TRAPPC9: variants seen among roughly 807,000 people sequenced by gnomAD.
TRAPPC9 encodes the protein trafficking protein particle complex subunit 9.
Under a neutral mutation model 124.0 loss-of-function variants are expected in TRAPPC9, and 83 were observed. The observed-to-expected ratio is 0.67, with a 90% CI of 0.56 to 0.80. The LOEUF is 0.80. TRAPPC9 is among the 30% of genes least tolerant of loss of function. TRAPPC9 has a pLI of 0.00. For missense variants in TRAPPC9, 1,302 were observed against 1,508.3 expected, an observed-to-expected ratio of 0.86 and a Z score of 2.27; for synonymous variants, 638 against 617.5, an observed-to-expected ratio of 1.03 and a Z score of -0.49.
chr8:140,289,192 T>TA (rs2065580741), intron 12 of TRAPPC9, among the ~76,000 whole-genome samples: 1 of 150,684 alleles, frequency 6.6e-6, no homozygotes, highest in South Asian at 2.2e-4. Flanking sequence ...TGTGTGTGTG[T>TA]GTGTGTGTGT....
At chr8:140,435,497 C>T (rs1480152735) in intron 3 of TRAPPC9, among the ~76,000 whole-genome samples, 1 of 152,208 alleles carries the variant, frequency 6.6e-6, no homozygotes, top group African/African-American at 2.4e-5. Context: ...ACACTCTCAC[C>T]ACACTCAAGG....
At chr8:140,125,356 C>G (rs1050684002) in intron 17 of TRAPPC9, among the ~76,000 whole-genome samples, 1 of 152,160 alleles carries the variant, frequency 6.6e-6, no homozygotes, top group South Asian at 2.1e-4. Flanking sequence ...CAGGAAGCAT[C>G]GACGAGAACC....
At chr8:140,442,058 T>G (rs2071035976) in intron 2 of TRAPPC9, among the ~76,000 whole-genome samples, 1 of 152,134 alleles carries the variant, frequency 6.6e-6, no homozygotes, top group African/African-American at 2.4e-5. Flanking sequence ...GAGTAAATTA[T>G]TACATCTTCA....
chr8:140,009,093 G>C (rs1453029720), intron 18 of TRAPPC9, among the ~76,000 whole-genome samples: 1 of 152,152 alleles, frequency 6.6e-6, no homozygotes, highest in Non-Finnish European at 1.5e-5. Flanking sequence ...GCTCCTTCCA[G>C]GCTTTAGAAG....
chr8:140,083,128 G>A (rs1006150169), intron 17 of TRAPPC9, among the ~76,000 whole-genome samples: 1 of 152,160 alleles, frequency 6.6e-6, no homozygotes, highest in African/African-American at 2.4e-5. Context: ...GGAAGGCGGA[G>A]GTTGCAGTGA....
chr8:140,035,386 AGAG>A (rs1420234064), intron 17 of TRAPPC9, among the ~76,000 whole-genome samples: 3 of 152,236 alleles, frequency 2.0e-5, no homozygotes, highest in African/African-American at 7.2e-5. Flanking sequence ...AATCAACTCA[AGAG>A]GAGACACTAA....
At chr8:140,444,877 A>AAAAAAAAAC (rs201324678) in intron 2 of TRAPPC9, among the ~76,000 whole-genome samples, 2 of 151,220 alleles carry the variant, frequency 1.3e-5, no homozygotes, top group Non-Finnish European at 3.0e-5. Context: ...GAAAAAAAAA[A>AAAAAAAAAC]AAAACAGGAT....
intron 7 of TRAPPC9, among the ~76,000 whole-genome samples, chr8:140,378,342 T>G (rs1019128834): frequency 6.6e-6 from 1 of 152,174 alleles, no homozygotes; most frequent in Non-Finnish European, 1.5e-5. Flanking sequence ...CCACACTTCA[T>G]CTGCTGCCAG....
chr8:140,223,742 TAA>T (rs56716646), intron 16 of TRAPPC9, among the ~76,000 whole-genome samples: 11 of 144,766 alleles, frequency 7.6e-5, no homozygotes, highest in South Asian at 2.2e-4. Flanking sequence ...GTTCATAATT[TAA>T]AAAAAAAAAA....
At chr8:139,965,076 AC>A (rs1267752495) in intron 19 of TRAPPC9, among the ~76,000 whole-genome samples, 3 of 151,562 alleles carry the variant, frequency 2.0e-5, no homozygotes, top group African/African-American at 7.3e-5. Context: ...CTCTCTGTGG[AC>A]TGGCCTGTCT....
chr8:140,415,763 G>A (rs2069905770), intron 5 of TRAPPC9, among the ~76,000 whole-genome samples: 1 of 152,032 alleles, frequency 6.6e-6, no homozygotes, highest in Non-Finnish European at 1.5e-5. Context: ...GAGGCCAGGA[G>A]TCCAAGACCG....
In TRAPPC9 at chr8:140,241,897, C is replaced by T. The variant is rs1382718751; in HGVS notation, c.2431+10880G>A. Among the ~76,000 whole-genome samples the T allele has an allele frequency of 1.3e-5, 2 of 152,030 alleles. No homozygotes were observed. The highest frequency in any genetic ancestry group is 2.9e-5 in the Non-Finnish European group (2 of 68,018). ...TGCTCTGACCAGGCCTCACTGCATA[C>T]TGGGAAAGGAGAGAGCACACGGCAG... On this transcript the variant is annotated intron_variant, in intron 16 of 22. Transcript: ENST00000438773. This position sits in a 1 kb window ranked among gnomAD's most constrained non-coding sequence, Gnocchi z 5.0.
At chr8:140,088,928 C>T (rs927066733) in intron 17 of TRAPPC9, among the ~76,000 whole-genome samples, 5 of 152,182 alleles carry the variant, frequency 3.3e-5, no homozygotes, top group Admixed American at 1.3e-4. Flanking sequence ...CACGTAAATG[C>T]AGAGGACGGG....
At chr8:139,850,345 C>G (rs139476292) in intron 21 of TRAPPC9, among the ~76,000 whole-genome samples, 6 of 152,274 alleles carry the variant, frequency 3.9e-5, no homozygotes, top group African/African-American at 1.4e-4. Flanking sequence ...ACACTAGAAC[C>G]CAGGGCTCCT....
chr8:139,871,867 A>T (rs2131035962), intron 21 of TRAPPC9, among the ~76,000 whole-genome samples: 1 of 152,308 alleles, frequency 6.6e-6, no homozygotes, highest in South Asian at 2.1e-4. Context: ...AGGTAGATGA[A>T]TGAGTTAGTG....
intron 17 of TRAPPC9, among the ~76,000 whole-genome samples, chr8:140,117,185 A>C (rs184897241): frequency 2.7e-4 from 41 of 152,330 alleles, no homozygotes; most frequent in Non-Finnish European, 2.5e-4. Context: ...CAGTTTCTCC[A>C]TCTGTAAAGT....
Position 139,731,307 on chromosome 8 carries a change from G to T in TRAPPC9, c.3280-79C>A, listed in dbSNP as rs944002111. ...AAGCCACCAGGAATCCTGGGAATCTGCCTGGACATAGGTGTTATGGGGGAA... is the reference window on the plus strand; with the variant it reads ...AAGCCACCAGGAATCCTGGGAATCTTCCTGGACATAGGTGTTATGGGGGAA... On this transcript the variant is annotated intron_variant, in intron 22 of 22. Transcript: ENST00000438773. 1.4e-5 allele frequency: 21 copies of T among 1,543,490 alleles called. No homozygotes were observed. In the African/African-American group the frequency reaches 2.7e-4, roughly 20 times the overall value.
intron 17 of TRAPPC9, among the ~76,000 whole-genome samples, chr8:140,207,644 C>T (rs13279802): frequency 2.0e-5 from 3 of 152,186 alleles, no homozygotes; most frequent in Non-Finnish European, 4.4e-5. Flanking sequence ...AGAGTCCCTG[C>T]GGACCCTGCG....
chr8:140,218,046 C>A (rs1228380954), intron 17 of TRAPPC9, among the ~76,000 whole-genome samples: 3 of 150,876 alleles, frequency 2.0e-5, no homozygotes, highest in Non-Finnish European at 4.4e-5. Context: ...TGGCGAAAGT[C>A]TAGAAGGAGT....
Sources: allele counts gnomAD v4.1 joint callset (sites outside exome capture counted in the v4.1 genomes callset), GRCh38; gene constraint gnomAD v4.1.1; non-coding constraint Gnocchi (gnomAD v3.1); transcripts MANE v1.5; gene names NCBI Gene and HGNC (gene_info 2026-07-23, HGNC 2026-07-21).